Variants in VWA3B observed in about 807,000 individuals in gnomAD.
VWA3B encodes the protein von Willebrand factor A domain containing 3B, also known as von Willebrand factor A domain-containing protein 3B.
VWA3B carries 138 observed loss-of-function variants against 158.3 expected under a neutral mutation model. The ratio of observed to expected loss-of-function variants is 0.87; its 90% CI spans 0.76 to 1.00. The LOEUF is 1.00. Ranked by LOEUF, VWA3B falls within the 50% of genes least tolerant of loss-of-function variation. The pLI, the probability that VWA3B is intolerant of heterozygous loss-of-function variation, is 0.00. For synonymous variants in VWA3B, 596 were observed against 587.3 expected, an observed-to-expected ratio of 1.01 and a Z score of -0.21; for missense variants, 1,555 against 1,565.1, an observed-to-expected ratio of 0.99 and a Z score of 0.11.
chr2:98,140,419 A>G (rs775543636), intron 7 of VWA3B, among the ~76,000 whole-genome samples: 17 of 152,154 alleles, frequency 1.1e-4, no homozygotes, highest in Non-Finnish European at 1.9e-4. Flanking sequence ...GCTGCCACTC[A>G]TCTTCTAAGC....
chr2:98,132,365 TA>T (rs1675941663), intron 6 of VWA3B, among the ~76,000 whole-genome samples: 1 of 152,184 alleles, frequency 6.6e-6, no homozygotes, highest in South Asian at 2.1e-4. Flanking sequence ...GGAGGGCAGT[TA>T]TTCTCCAGCT....
intron 1 of VWA3B, among the ~76,000 whole-genome samples, chr2:98,091,457 G>A (rs935476165): frequency 6.6e-5 from 10 of 152,152 alleles, no homozygotes; most frequent in African/African-American, 2.4e-4. Context: ...CACAGATCCT[G>A]GAGCTGAATG....
the VWA3B span, among the ~76,000 whole-genome samples, chr2:98,319,221 A>G: frequency 1.3e-5 from 2 of 149,144 alleles, no homozygotes; most frequent in African/African-American, 2.5e-5. Flanking sequence ...GGATAAAAGA[A>G]AAAAAAAAAG....
intron 20 of VWA3B, among the ~76,000 whole-genome samples, chr2:98,252,773 C>T (rs771842343): frequency 1.3e-5 from 2 of 152,126 alleles, no homozygotes; most frequent in African/African-American, 2.4e-5. Context: ...AGCCCCTTCC[C>T]AGGCAAAAGA....
At chr2:98,312,102 G>C (rs1690940829) in intron 27 of VWA3B, 70 bp downstream of exon 27, 3 of 1,610,336 alleles carry the variant, frequency 1.9e-6, no homozygotes, top group Non-Finnish European at 2.5e-6. Flanking sequence ...TTCAAGAATA[G>C]TACACCTAAC....
At chr2:98,262,553 C>T (rs1311557320) in intron 21 of VWA3B, among the ~76,000 whole-genome samples, 1 of 151,564 alleles carries the variant, frequency 6.6e-6, no homozygotes, top group Non-Finnish European at 1.5e-5. Flanking sequence ...AGTCTTGGCA[C>T]CCTTGTCAAA....
At chr2:98,258,997 G>A (rs1436670456) in intron 21 of VWA3B, among the ~76,000 whole-genome samples, 1 of 151,606 alleles carries the variant, frequency 6.6e-6, no homozygotes, top group Non-Finnish European at 1.5e-5. Context: ...ATTTTGTCAA[G>A]TGCTTTTTTC....
intron 6 of VWA3B, 47 bp downstream of exon 6, chr2:98,128,455 T>C: frequency 6.9e-6 from 11 of 1,595,016 alleles, no homozygotes; most frequent in Non-Finnish European, 9.4e-6. Flanking sequence ...GGTTGCCTGC[T>C]CACACAGGAT....
At chr2:98,142,845 T>C (rs1263692332) in intron 7 of VWA3B, among the ~76,000 whole-genome samples, 2 of 152,038 alleles carry the variant, frequency 1.3e-5, no homozygotes, top group African/African-American at 2.4e-5. Context: ...TAGAGTACGA[T>C]TGGGAAGCCA....
chr2:98,232,413 T>C (rs1685399784), intron 16 of VWA3B, among the ~76,000 whole-genome samples: 1 of 152,226 alleles, frequency 6.6e-6, no homozygotes, highest in Non-Finnish European at 1.5e-5. Flanking sequence ...TCTTTCTATT[T>C]GTTCATTTGT....
chr2:98,157,151 G>A (rs769267259), intron 7 of VWA3B, among the ~76,000 whole-genome samples: 5 of 152,178 alleles, frequency 3.3e-5, no homozygotes, highest in Admixed American at 6.6e-5. Flanking sequence ...CCACATTCAC[G>A]TATTAGACGA....
intron 26 of VWA3B, among the ~76,000 whole-genome samples, chr2:98,304,407 T>C (rs1054808541): frequency 1.3e-5 from 2 of 152,068 alleles, no homozygotes; most frequent in Non-Finnish European, 2.9e-5. Flanking sequence ...GTCAAGGTCA[T>C]ACAAAAAGAG....
At chr2:98,202,733 T>C (rs1336701839) in intron 12 of VWA3B, among the ~76,000 whole-genome samples, 1 of 152,216 alleles carries the variant, frequency 6.6e-6, no homozygotes, top group African/African-American at 2.4e-5. Flanking sequence ...GTGTCCTTTT[T>C]TCTAGAAGTT....
Position 98,312,354 on chromosome 2 carries a change from G to A in VWA3B, c.*5G>A, listed in dbSNP as rs754260963. On this transcript the variant is annotated 3_prime_UTR_variant, in exon 28 of 28. Coordinates refer to ENST00000477737, the MANE Select transcript of VWA3B (RefSeq NM_144992.5). ...AGCGTCCCTGAGACACTTTAAGGCC[G>A]TCTGGTGGCAGCTATGTTTAAGAGA... The A allele has an allele frequency of 6.2e-7, 1 of 1,603,046 alleles. No homozygotes were observed. Among genetic ancestry groups the A allele is most frequent in the Admixed American group, 1.7e-5 (1 of 59,482 alleles).
At chr2:98,119,340 A>G (rs1468324607) in intron 3 of VWA3B, among the ~76,000 whole-genome samples, 173 bp from the exon 4 acceptor site, 5 of 151,454 alleles carry the variant, frequency 3.3e-5, no homozygotes, top group Non-Finnish European at 5.9e-5. Flanking sequence ...TCTTCTGTGG[A>G]GAATCCAAGC....
intron 7 of VWA3B, among the ~76,000 whole-genome samples, chr2:98,161,051 G>A (rs183231440): frequency 1.4e-4 from 21 of 152,190 alleles, no homozygotes; most frequent in African/African-American, 4.8e-4. Context: ...TTGGCCCCGG[G>A]TGGATGAGTC....
At chr2:98,269,354 T>C (rs377012349) in intron 21 of VWA3B, 19 of 152,218 alleles carry the variant, frequency 1.2e-4, no homozygotes, top group African/African-American at 4.6e-4. Flanking sequence ...GCCTGTAATA[T>C]CTTGTTCCCC....
intron 4 of VWA3B, among the ~76,000 whole-genome samples, chr2:98,120,730 T>A (rs7603879): frequency 0.26 from 39,469 of 152,106 alleles, 5,740 homozygotes; most frequent in African/African-American, 0.4. Flanking sequence ...TCTACCAGTC[T>A]TTTATAAGCC....
At chr2:98,139,164 G>T (rs1354350973) in intron 7 of VWA3B, among the ~76,000 whole-genome samples, 1 of 152,244 alleles carries the variant, frequency 6.6e-6, no homozygotes, top group Non-Finnish European at 1.5e-5. Flanking sequence ...GCTGCGGAGG[G>T]TGTACTGGGT....
Sources: gnomAD v4.1 joint callset for allele counts (sites outside exome capture counted in the v4.1 genomes callset) on GRCh38, gnomAD v4.1.1 for gene constraint, MANE v1.5 for transcripts, NCBI Gene and HGNC (gene_info 2026-07-23, HGNC 2026-07-21) for gene names.